LARGE1: variants seen among roughly 807,000 people sequenced by gnomAD.
The protein encoded by LARGE1 is xylosyl- and glucuronyltransferase LARGE1.
In LARGE1, 43 loss-of-function variants were observed where a neutral mutation model predicts 87.6. The observed-to-expected ratio is 0.49, with a 90% confidence interval of 0.38 to 0.63. LARGE1 has a LOEUF of 0.63. Ranked by LOEUF, LARGE1 falls within the 30% of genes least tolerant of loss-of-function variation. The pLI is 0.00. For missense variants in LARGE1, 802 were observed against 1,000.2 expected (o/e 0.80, Z 2.67); for synonymous variants, 434 against 394.6 (o/e 1.10, Z -1.18).
chr22:33,904,785 G>A (rs1425548008), intron 1 of LARGE1, among the ~76,000 whole-genome samples: 2 of 152,090 alleles, frequency 1.3e-5, no homozygotes, highest in Non-Finnish European at 2.9e-5. Flanking sequence ...AGGCACTCTG[G>A]CATACACGAT....
chr22:33,450,824 G>A lies in LARGE1; in HGVS notation c.788-18559C>T, dbSNP rs186859022. ...TAACAAAACTGTCCTTATGAGCCAC[G>A]CAGTATCAGCCTGGAAATGAAGGTT... On this transcript the variant is annotated intron_variant, in intron 6 of 14. Coordinates refer to ENST00000397394, the MANE Select transcript of LARGE1 (RefSeq NM_133642.5). Among the ~76,000 whole-genome samples, 451 of 152,206 alleles carry A rather than the reference G, an allele frequency of 3.0e-3. 2 individuals carry two copies. Among genetic ancestry groups the A allele is most frequent in the Middle Eastern group, 0.027 (8 of 294 alleles).
chr22:33,664,475 G>C (rs541582589), intron 2 of LARGE1, among the ~76,000 whole-genome samples: 1 of 152,148 alleles, frequency 6.6e-6, no homozygotes, highest in Non-Finnish European at 1.5e-5. Flanking sequence ...TATGACCCCA[G>C]TTCTGGGACC....
At chr22:33,762,288 A>G (rs2084762488) in intron 1 of LARGE1, among the ~76,000 whole-genome samples, 1 of 150,624 alleles carries the variant, frequency 6.6e-6, no homozygotes, top group Non-Finnish European at 1.5e-5. Context: ...AATGAAAGAG[A>G]CCAACAGAAA....
intron 1 of LARGE1, among the ~76,000 whole-genome samples, chr22:33,823,252 C>T (rs2062689889): frequency 6.6e-6 from 1 of 152,198 alleles, no homozygotes; most frequent in African/African-American, 2.4e-5. Context: ...TGCCCAAAGG[C>T]TGTGTGTCTG....
chr22:33,777,883 T>C (rs2085299514), intron 1 of LARGE1, among the ~76,000 whole-genome samples: 1 of 152,186 alleles, frequency 6.6e-6, no homozygotes, highest in Non-Finnish European at 1.5e-5. Flanking sequence ...TTTGGGGGGC[T>C]TTCCTTGTTA....
chr22:33,855,622 C>T (rs1338733335), intron 1 of LARGE1, among the ~76,000 whole-genome samples: 1 of 152,196 alleles, frequency 6.6e-6, no homozygotes, highest in Non-Finnish European at 1.5e-5. Flanking sequence ...TGGTCCTGTG[C>T]TTCTGGGAAA....
chr22:33,366,932 A>C (rs2146957352), intron 9 of LARGE1, among the ~76,000 whole-genome samples: 1 of 152,344 alleles, frequency 6.6e-6, no homozygotes, highest in Admixed American at 6.5e-5. Flanking sequence ...CTTGGATTAA[A>C]AAAAATTGGT....
At chr22:33,442,464 C>T (rs1318274653) in intron 6 of LARGE1, among the ~76,000 whole-genome samples, 24 of 152,062 alleles carry the variant, frequency 1.6e-4, no homozygotes, top group Non-Finnish European at 3.4e-4. Flanking sequence ...CAACAGTGGC[C>T]CCCATTAATT....
At chr22:33,139,445 C>T in the LARGE1 span, among the ~76,000 whole-genome samples, 1 of 152,046 alleles carries the variant, frequency 6.6e-6, no homozygotes, top group African/African-American at 2.4e-5. Flanking sequence ...TTAATGGGGT[C>T]CTTCATTTCT....
At chr22:33,502,315 T>C (rs897990525) in intron 6 of LARGE1, among the ~76,000 whole-genome samples, 2 of 151,722 alleles carry the variant, frequency 1.3e-5, no homozygotes, top group Admixed American at 6.6e-5. Context: ...AAGGGTGGGA[T>C]GGTCGCCTAG....
At chr22:33,234,428 C>T (rs1349138069) in intron 11 of LARGE1, among the ~76,000 whole-genome samples, 1 of 152,186 alleles carries the variant, frequency 6.6e-6, no homozygotes, top group African/African-American at 2.4e-5. Flanking sequence ...CCCCACATAC[C>T]TAGCACTTAG....
chr22:33,261,994 T>C (rs1290450275), intron 11 of LARGE1, among the ~76,000 whole-genome samples: 1 of 152,154 alleles, frequency 6.6e-6, no homozygotes, highest in Admixed American at 6.5e-5. Flanking sequence ...GAGAAAAAAA[T>C]AACGGATAAA....
chr22:33,090,668 C>T, the LARGE1 span, among the ~76,000 whole-genome samples: 1 of 152,124 alleles, frequency 6.6e-6, no homozygotes, highest in Non-Finnish European at 1.5e-5. Flanking sequence ...GTTTTACTTC[C>T]AACAAAATTA....
chr22:33,650,911 A>G (rs2149184862), intron 2 of LARGE1, among the ~76,000 whole-genome samples: 1 of 152,266 alleles, frequency 6.6e-6, no homozygotes, highest in East Asian at 1.9e-4. Context: ...CAATCATAAT[A>G]AAATTGTTTC....
chr22:33,668,676 T>C (rs2081329938), intron 2 of LARGE1, among the ~76,000 whole-genome samples: 2 of 152,146 alleles, frequency 1.3e-5, no homozygotes, highest in African/African-American at 2.4e-5. Flanking sequence ...GAGAGAGTGA[T>C]TGTGCCCACT....
chr22:33,572,191 T>G, intron 5 of LARGE1: 1 of 1,289,762 alleles, frequency 7.8e-7, no homozygotes, highest in Non-Finnish European at 1.0e-6. Flanking sequence ...TGACATATTT[T>G]AAAAAATTAA....
intron 11 of LARGE1, among the ~76,000 whole-genome samples, chr22:33,189,423 A>G (rs1024220162): frequency 1.3e-5 from 2 of 152,120 alleles, no homozygotes; most frequent in South Asian, 2.1e-4. Context: ...TGGTGGAAAA[A>G]TCTTGGACAT....
chr22:33,288,932 G>T, intron 12 of LARGE1, among the ~76,000 whole-genome samples: 1 of 151,864 alleles, frequency 6.6e-6, no homozygotes, highest in Non-Finnish European at 1.5e-5. Context: ...ACCTACTATA[G>T]TATATTGGAT....
intron 10 of LARGE1, among the ~76,000 whole-genome samples, chr22:33,331,948 G>A (rs551586990): frequency 2.4e-4 from 36 of 151,980 alleles, no homozygotes; most frequent in Non-Finnish European, 4.9e-4. Flanking sequence ...TGCCCTTCCC[G>A]TGTGCTCTCA....
Sources: allele counts gnomAD v4.1 joint callset (sites outside exome capture counted in the v4.1 genomes callset), GRCh38; gene constraint gnomAD v4.1.1; transcripts MANE v1.5; gene names NCBI Gene and HGNC (gene_info 2026-07-23, HGNC 2026-07-21).